WIF1: variants seen among roughly 807,000 people sequenced by gnomAD.
WIF1 encodes the protein Wnt inhibitory factor 1.
WIF1 carries 35 observed loss-of-function variants against 53.5 expected under a neutral mutation model. The ratio of observed to expected loss-of-function variants is 0.65; its 90% CI spans 0.50 to 0.87. WIF1 has a LOEUF of 0.87. WIF1 is among the 40% of genes least tolerant of loss of function. WIF1 has a pLI of 0.00. For missense variants in WIF1, 467 were observed against 476.8 expected, an observed-to-expected ratio of 0.98 and a Z score of 0.19; for synonymous variants, 171 against 170.4, an observed-to-expected ratio of 1.00 and a Z score of -0.03.
chr12:65,070,625 T>C (rs1376183069), intron 3 of WIF1, among the ~76,000 whole-genome samples: 1 of 152,180 alleles, frequency 6.6e-6, no homozygotes, highest in East Asian at 1.9e-4. Flanking sequence ...TACTTAAAGA[T>C]AGAACTTTCA....
At chr12:65,098,389 C>T (rs768371415) in intron 2 of WIF1, among the ~76,000 whole-genome samples, 4 of 152,016 alleles carry the variant, frequency 2.6e-5, no homozygotes, top group African/African-American at 7.2e-5. Context: ...ACTTTAGAGC[C>T]GGAAAAATTC....
chr12:65,103,919 G>A (rs1023546090), intron 2 of WIF1, among the ~76,000 whole-genome samples: 1 of 152,088 alleles, frequency 6.6e-6, no homozygotes, highest in Non-Finnish European at 1.5e-5. Flanking sequence ...AATTTTAAAA[G>A]CCAGGCACAG....
rs777378851 is a variant in WIF1, at chr12:65,120,546, T to C, written c.159A>G (p.Glu53=). 1.2e-6 allele frequency: 2 copies of C among 1,608,634 alleles called. No individual in the cohort carries two copies. The highest frequency in any genetic ancestry group is 2.7e-5 in the African/African-American group (2 of 74,528). Residue 53 remains glutamate, a synonymous_variant, in exon 2 of 10, where the codon GAA becomes GAG. Coordinates refer to ENST00000286574, the MANE Select transcript of WIF1 (RefSeq NM_007191.5). ...TCCCCTCTGAAACAATCAGGATATC[T>C]TCTTCAAATCCTGGTTTTTAAAATA... ...HQARVLIGFE[E]DILIVSEGKM...
At chr12:65,113,544 G>A (rs1883463915) in intron 2 of WIF1, among the ~76,000 whole-genome samples, 1 of 151,792 alleles carries the variant, frequency 6.6e-6, no homozygotes. Context: ...AATTGCCATA[G>A]AACCAGATGT....
intron 2 of WIF1, among the ~76,000 whole-genome samples, chr12:65,109,199 G>A (rs577227540): frequency 6.6e-6 from 1 of 152,068 alleles, no homozygotes; most frequent in African/African-American, 2.4e-5. Context: ...CACCCTCCTT[G>A]GCCACTCTGC....
At chr12:65,107,512 C>G (rs985139559) in intron 2 of WIF1, among the ~76,000 whole-genome samples, 2 of 152,130 alleles carry the variant, frequency 1.3e-5, no homozygotes, top group Non-Finnish European at 2.9e-5. Context: ...CCCAGCTACT[C>G]AGGAGGCTGA....
chr12:65,086,020 G>C (rs114981125), intron 2 of WIF1, among the ~76,000 whole-genome samples: 1 of 151,894 alleles, frequency 6.6e-6, no homozygotes, highest in East Asian at 1.9e-4. Flanking sequence ...GGGCTATATT[G>C]CTATTTTGTA....
chr12:65,063,698 CTTTT>C (rs34354517), intron 6 of WIF1, among the ~76,000 whole-genome samples: 3 of 131,806 alleles, frequency 2.3e-5, no homozygotes, highest in Non-Finnish European at 1.6e-5. Context: ...AATCAAAACT[CTTTT>C]TTTTTTTTTT....
At position 65,055,200 on chromosome 12, in the gene WIF1, A is replaced by G. The variant is rs1001287593; in HGVS notation, c.936T>C (p.Pro312=). The change falls in exon 9 of 10, where the codon CCT becomes CCC. Residue 312 remains proline (P), a synonymous_variant. Coordinates refer to ENST00000286574, the MANE Select transcript of WIF1 (RefSeq NM_007191.5). ...GDLCSKPVCE[P]GCGAHGTCHE... ...GGCAGGTTCCATGTGCACCACAGCC[A>G]GGCTCGCAGACAGCTAGAATCAAAA... The G allele has an allele frequency of 1.1e-5, 18 of 1,613,842 alleles. No individual in the cohort carries two copies. The highest frequency in any genetic ancestry group is 1.6e-4 in the Middle Eastern group (1 of 6,084).
chr12:65,116,930 C>CT (rs1462960170), intron 2 of WIF1, among the ~76,000 whole-genome samples: 1 of 42,166 alleles, frequency 2.4e-5, no homozygotes, highest in African/African-American at 1.2e-4. Flanking sequence ...GAGACTCTGT[C>CT]TCAAAAAAAA....
At chr12:65,082,926 A>C (rs972183476) in intron 2 of WIF1, among the ~76,000 whole-genome samples, 1 of 152,184 alleles carries the variant, frequency 6.6e-6, no homozygotes, top group Non-Finnish European at 1.5e-5. Context: ...CTTTTAACCC[A>C]TATATCATGA....
chr12:65,100,971 A>C (rs1334978766), intron 2 of WIF1, among the ~76,000 whole-genome samples: 2 of 152,206 alleles, frequency 1.3e-5, no homozygotes, highest in Admixed American at 1.3e-4. Flanking sequence ...AGCAAAAAAC[A>C]AACAAAAAAG....
chr12:65,077,870 C>A lies in WIF1; in HGVS notation c.289-16G>T. On this transcript the variant is annotated splice_polypyrimidine_tract_variant and intron_variant, in intron 2 of 9. Coordinates refer to ENST00000286574, the MANE Select transcript of WIF1 (RefSeq NM_007191.5). The stretch of plus-strand genomic sequence containing the variant: ...AGTATTCTGCCTACAACCAAAGGCA[C>A]TGACAGTTAGTAACATGGAAACCAG... 1 of 1,588,748 alleles carries A rather than the reference C, an allele frequency of 6.3e-7. No individual in the cohort carries two copies. The highest frequency in any genetic ancestry group is 8.6e-7 in the Non-Finnish European group (1 of 1,158,076).
intron 2 of WIF1, among the ~76,000 whole-genome samples, chr12:65,084,956 C>A (rs963557112): frequency 1.3e-5 from 2 of 152,210 alleles, no homozygotes; most frequent in African/African-American, 4.8e-5. Flanking sequence ...CATTTGTTAT[C>A]TACCCGATCT....
chr12:65,087,888 A>T (rs1203517416), intron 2 of WIF1, among the ~76,000 whole-genome samples: 1 of 152,194 alleles, frequency 6.6e-6, no homozygotes, highest in East Asian at 1.9e-4. Flanking sequence ...TAGTCTTACC[A>T]AAGAAGATTT....
chr12:65,090,202 G>A (rs1883102261), intron 2 of WIF1, among the ~76,000 whole-genome samples: 1 of 152,184 alleles, frequency 6.6e-6, no homozygotes, highest in Admixed American at 6.6e-5. Context: ...GCTCTTGAAG[G>A]GAGAGAGCCA....
intron 2 of WIF1, among the ~76,000 whole-genome samples, chr12:65,079,645 GGAA>G (rs1193705399): frequency 2.0e-5 from 3 of 147,652 alleles, no homozygotes; most frequent in African/African-American, 5.1e-5. Flanking sequence ...AAAAAAAAGC[GGAA>G]GGAGAGTTGT....
At chr12:65,112,451 C>CACACACACACACACACACA (rs66889835) in intron 2 of WIF1, among the ~76,000 whole-genome samples, 2 of 148,542 alleles carry the variant, frequency 1.3e-5, no homozygotes, top group African/African-American at 5.0e-5. Flanking sequence ...CACACACACA[C>CACACACACACACACACACA]CATCCTGGAG....
chr12:65,073,605 T>C (rs150010590), intron 3 of WIF1, among the ~76,000 whole-genome samples: 2 of 152,186 alleles, frequency 1.3e-5, no homozygotes, highest in African/African-American at 4.8e-5. Flanking sequence ...TTTAGGCATA[T>C]AGGAGTCTGT....
Sources: allele counts gnomAD v4.1 joint callset (sites outside exome capture counted in the v4.1 genomes callset), GRCh38; gene constraint gnomAD v4.1.1; transcripts MANE v1.5; gene names NCBI Gene and HGNC (gene_info 2026-07-23, HGNC 2026-07-21).